The following AASDH variants were observed in gnomAD, a reference collection of about 807,000 sequenced individuals.
AASDH encodes aminoadipate-semialdehyde dehydrogenase, also known as beta-alanine-activating enzyme.
A neutral mutation model predicts 102.3 loss-of-function variants in AASDH; 81 were observed. That is an observed-to-expected ratio of 0.79 (90% confidence interval 0.66 to 0.95). The LOEUF (loss-of-function observed/expected upper bound fraction) is 0.95, where lower values mean the gene tolerates loss of function less well. AASDH is among the 40% of genes least tolerant of loss of function. The pLI, the probability that AASDH is intolerant of heterozygous loss-of-function variation, is 0.00. For missense variants in AASDH, 1,203 were observed against 1,266.2 expected (o/e 0.95, Z 0.76); for synonymous variants, 398 against 454.0 (o/e 0.88, Z 1.57).
chr4:56,361,351 G>A (rs1750270199), intron 5 of AASDH, among the ~76,000 whole-genome samples: 1 of 152,074 alleles, frequency 6.6e-6, no homozygotes, highest in African/African-American at 2.4e-5. Context: ...GGAGGTTGCG[G>A]TGAGCTGAGA....
rs1747189697 is a variant in AASDH at position 56,338,651 on chromosome 4, A to AGTT, written c.3045_3047dup (p.Thr1017dup). The AGTT allele has an allele frequency of 2.5e-6, 4 of 1,614,222 alleles. No homozygotes were observed. The highest frequency in any genetic ancestry group is 3.4e-6 in the Non-Finnish European group (4 of 1,180,042). ...ACGGTGTTGCATAGACCCTTGAAGT[A>AGTT]GTTTCAAATTTCCACTGCAGGTGAC... On this transcript the variant is annotated inframe_insertion, in exon 15 of 15. Transcript: ENST00000205214.
At chr4:56,377,755 A>G (rs1752522679) in intron 4 of AASDH, among the ~76,000 whole-genome samples, 1 of 152,232 alleles carries the variant, frequency 6.6e-6, no homozygotes, top group African/African-American at 2.4e-5. Flanking sequence ...AACAAGAGTT[A>G]TAAAACCAAA....
At chr4:56,380,680 T>TTA (rs1312932731) in intron 3 of AASDH, among the ~76,000 whole-genome samples, 5 of 152,220 alleles carry the variant, frequency 3.3e-5, no homozygotes, top group African/African-American at 1.2e-4. Flanking sequence ...GCTGGAAGGC[T>TTA]TATATGCTAA....
chr4:56,338,788 A>G lies in AASDH; in HGVS notation c.2911T>C (p.Trp971Arg), dbSNP rs774520906. ...LCFTHFGEQV[W>R]QFSTSGPIFS... ...ATTGGTCCACTGGTAGAGAACTGCC[A>G]AACCTATAACAAGTAATAAAAATAA... The change falls in exon 15 of 15, where the codon TGG becomes CGG. Residue 971 changes from tryptophan (W) to arginine (R), a missense_variant. Coordinates refer to ENST00000205214, the MANE Select transcript of AASDH (RefSeq NM_181806.4). 6.2e-7 allele frequency: 1 copy of G among 1,613,416 alleles called. No homozygotes were observed. Among genetic ancestry groups the G allele is most frequent in the Non-Finnish European group, 8.5e-7 (1 of 1,179,604 alleles).
At chr4:56,349,200 C>G in intron 11 of AASDH, 63 bp downstream of exon 11, 1 of 1,527,764 alleles carries the variant, frequency 6.5e-7, no homozygotes. Context: ...TTAACTTGGG[C>G]CTATGAAGAT....
At chr4:56,354,331 G>A in intron 7 of AASDH, 120 bp from the exon 8 acceptor site, 1 of 812,148 alleles carries the variant, frequency 1.2e-6, no homozygotes. Flanking sequence ...TAAAAGATGG[G>A]CTCATTTTAA....
Position 56,384,186 on chromosome 4 carries a change from C to T in AASDH, c.114G>A (p.Val38=). Residue 38 remains valine (V), a synonymous_variant, in exon 2 of 15, where the codon GTG becomes GTA. Coordinates refer to ENST00000205214, the MANE Select transcript of AASDH (RefSeq NM_181806.4). Reference sequence around the variant, plus strand: ...TTGATAATTCAGAAGCAGCATTAACCACAGTCTTGTAGGTGTAGTAAACTG... The same window carrying T: ...TTGATAATTCAGAAGCAGCATTAACTACAGTCTTGTAGGTGTAGTAAACTG... ...QLPVYYTYKT[V]VNAASELSNF... 6.2e-7 allele frequency: 1 copy of T among 1,614,054 alleles called. No homozygotes were observed.
At chr4:56,373,638 C>G (rs1257374010) in intron 4 of AASDH, among the ~76,000 whole-genome samples, 1 of 152,118 alleles carries the variant, frequency 6.6e-6, no homozygotes, top group Non-Finnish European at 1.5e-5. Context: ...TTTCTGAGCC[C>G]AACAAAGGCT....
intron 5 of AASDH, chr4:56,356,618 C>T (rs1049476490): frequency 1.7e-5 from 12 of 705,922 alleles, no homozygotes; most frequent in Middle Eastern, 3.8e-4. Flanking sequence ...CACGTGGCTC[C>T]CATCGAGTTG....
chr4:56,381,649 T>TCTCACACACATACACACACACA (rs3223650), intron 3 of AASDH: 9 of 142,374 alleles, frequency 6.3e-5, no homozygotes, highest in African/African-American at 2.4e-4. Context: ...TTGACACTTC[T>TCTCACACACATACACACACACA]CACACACACA....
chr4:56,371,545 C>A lies in AASDH; in HGVS notation c.767G>T (p.Gly256Val). 6.2e-7 allele frequency: 1 copy of A among 1,613,140 alleles called. No homozygotes were observed. The highest frequency in any genetic ancestry group is 8.5e-7 in the Non-Finnish European group (1 of 1,179,874). ...AGTTGGTACAATAAGCAGAGAGGCA[C>A]CACTTGATAGAGCAAGAAATATTTC... is the stretch of plus-strand genomic sequence containing the variant. ...VVEIFLALSSGASLLIVPTSV... is the reference protein window; with the variant it reads ...VVEIFLALSSVASLLIVPTSV... The change falls in exon 5 of 15, where the codon GGT (glycine) becomes GTT (valine). Residue 256 changes from glycine (G) to valine (V), a missense_variant. Transcript: ENST00000205214.
chr4:56,369,177 G>A (rs1033559008), intron 5 of AASDH, among the ~76,000 whole-genome samples: 1 of 152,098 alleles, frequency 6.6e-6, no homozygotes, highest in Non-Finnish European at 1.5e-5. Context: ...ATCCCAAAAA[G>A]GTTAAAAACA....
At chr4:56,366,943 A>T (rs1751086541) in intron 5 of AASDH, among the ~76,000 whole-genome samples, 1 of 152,128 alleles carries the variant, frequency 6.6e-6, no homozygotes, top group Non-Finnish European at 1.5e-5. Flanking sequence ...CCCTGTTTGC[A>T]GATGACATGA....
rs567328010 is a variant in AASDH, at chr4:56,338,612, G to A, written c.3087C>T (p.Asn1029=). The change falls in exon 15 of 15, where the codon AAC becomes AAT. Residue 1029 remains asparagine, a synonymous_variant. Coordinates refer to ENST00000205214, the MANE Select transcript of AASDH (RefSeq NM_181806.4). ...RVYATPFAFH[N]YNGSNEMLLA... is the part of the protein sequence containing the mutation. Reference sequence around the variant, plus strand: ...GCAACATTTCATTGCTGCCATTGTAGTTATGGAAAGCAAACGGTGTTGCAT... The same window carrying A: ...GCAACATTTCATTGCTGCCATTGTAATTATGGAAAGCAAACGGTGTTGCAT... 1.3e-5 allele frequency: 21 copies of A among 1,614,166 alleles called. No homozygotes were observed. In the African/African-American group the frequency reaches 1.5e-4, roughly 11 times the overall value.
chr4:56,346,628 TA>T (rs1748362747), intron 11 of AASDH, among the ~76,000 whole-genome samples: 1 of 152,154 alleles, frequency 6.6e-6, no homozygotes, highest in African/African-American at 2.4e-5. Context: ...ATATATCTGA[TA>T]AATGATTTAT....
rs147133663 is a variant in AASDH, at chr4:56,349,510, C to A, written c.2241G>T (p.Ala747=). ...VAKVSEEGKP[A]IGTQKMELHV... ...GTAACTCCATTTTCTGAGTCCCTAT[C>A]GCAGGTTTCCCCTCTTCAGAAACTT... The change falls in exon 11 of 15, where the codon GCG becomes GCT. Residue 747 remains alanine, a synonymous_variant. Transcript: ENST00000205214. The A allele has an allele frequency of 6.2e-7, 1 of 1,614,188 alleles. No homozygotes were observed. The highest frequency in any genetic ancestry group is 2.2e-5 in the East Asian group (1 of 44,884).
At position 56,338,492 on chromosome 4, in the gene AASDH, A is replaced by C. The variant is rs112962387; in HGVS notation, c.3207T>G (p.Ser1069=). 1.9e-6 allele frequency: 3 copies of C among 1,614,008 alleles called. No individual in the cohort carries two copies. Among genetic ancestry groups the C allele is most frequent in the African/African-American group, 2.7e-5 (2 of 75,054 alleles). Reference sequence around the variant, plus strand: ...GCATTGATTCCAGGACCACAGGAGAAGAGAAGACTTCTCCAGGAAGTTCAT... The same window carrying C: ...GCATTGATTCCAGGACCACAGGAGACGAGAAGACTTCTCCAGGAAGTTCAT... The part of the protein sequence containing the change: ...SVYELPGEVF[S]SPVVLESMLI... The change falls in exon 15 of 15, where the codon TCT becomes TCG. Residue 1069 remains serine (S), a synonymous_variant. Coordinates refer to ENST00000205214, the MANE Select transcript of AASDH (RefSeq NM_181806.4).
chr4:56,350,607 T>G (rs1748890477), intron 10 of AASDH, among the ~76,000 whole-genome samples: 1 of 152,040 alleles, frequency 6.6e-6, no homozygotes, highest in South Asian at 2.1e-4. Context: ...ATACTTCCCT[T>G]TAGAGCAGTT....
rs368516675 is a variant in AASDH, at chr4:56,349,400, G to A, written c.2351C>T (p.Thr784Ile). 3.7e-6 allele frequency: 6 copies of A among 1,614,078 alleles called. No homozygotes were observed. The African/African-American group carries it at 8.0e-5, about 22-fold the overall frequency. Residue 784 changes from threonine to isoleucine, a missense_variant, in exon 11 of 15, where the codon ACT becomes ATT. Transcript: ENST00000205214. ...VIPTFDKSSTTVYIGSHSHRM... is the reference protein window; with the variant it reads ...VIPTFDKSSTIVYIGSHSHRM... ...ATGAGAATGGGAACCAATGTACACA[G>A]TTGTAGATGACTTATCAAAAGTGGG...
Sources: allele counts gnomAD v4.1 joint callset (sites outside exome capture counted in the v4.1 genomes callset), GRCh38; gene constraint gnomAD v4.1.1; transcripts MANE v1.5; gene names NCBI Gene and HGNC (gene_info 2026-07-23, HGNC 2026-07-21).